Variants in SPATA17 observed in about 807,000 individuals in gnomAD.
The protein encoded by SPATA17 is spermatogenesis-associated protein 17.
In SPATA17, 53 loss-of-function variants were observed where a neutral mutation model predicts 62.2. The ratio of observed to expected loss-of-function variants is 0.85; its 90% CI spans 0.68 to 1.07. SPATA17 has a LOEUF of 1.07. Among genes scored for constraint, SPATA17 ranks in the 50% least tolerant of loss-of-function variants. SPATA17 has a pLI of 0.00. For missense variants in SPATA17, 466 were observed against 425.5 expected, an observed-to-expected ratio of 1.10 and a Z score of -0.84; for synonymous variants, 146 against 146.8, an observed-to-expected ratio of 0.99 and a Z score of 0.04.
chr1:217,809,638 G>C (rs1474858921), intron 9 of SPATA17, among the ~76,000 whole-genome samples: 3 of 152,136 alleles, frequency 2.0e-5, no homozygotes, highest in Non-Finnish European at 4.4e-5. Context: ...TCTAATCAGA[G>C]AACTCACTCA....
At chr1:217,761,179 C>T (rs1490440520) in intron 6 of SPATA17, among the ~76,000 whole-genome samples, 2 of 152,166 alleles carry the variant, frequency 1.3e-5, no homozygotes, top group African/African-American at 4.8e-5. Flanking sequence ...CTTCAGTTCT[C>T]GAAACCTCCT....
chr1:217,649,563 G>T (rs1458535622), intron 2 of SPATA17, among the ~76,000 whole-genome samples: 1 of 152,102 alleles, frequency 6.6e-6, no homozygotes. Flanking sequence ...ACAAATGACT[G>T]GGTTTGTATT....
chr1:217,869,218 G>A lies in SPATA17; in HGVS notation c.*2199G>A, dbSNP rs977519579. ...ACTTGAAACAAGAGAATGGGGGGTG[G>A]GAGGATGTGGGAGATGCTTCCAGGT... On this transcript the variant is annotated 3_prime_UTR_variant, in exon 11 of 11. Coordinates refer to ENST00000366933, the MANE Select transcript of SPATA17 (RefSeq NM_138796.4). The A allele has an allele frequency of 6.6e-6, 1 of 152,462 alleles. No individual in the cohort carries two copies. The highest frequency in any genetic ancestry group is 2.4e-5 in the African/African-American group (1 of 41,438). The allele number at this position is 152,462 out of a possible 1,614,324, so 9.4% of individuals were successfully genotyped here. A position where few individuals can be genotyped will look rare whatever the true frequency, so the allele number is the denominator to read the frequency against.
intron 9 of SPATA17, among the ~76,000 whole-genome samples, chr1:217,861,482 T>C (rs1412315110): frequency 6.6e-6 from 1 of 151,544 alleles, no homozygotes; most frequent in Non-Finnish European, 1.5e-5. Flanking sequence ...TGATGCTTCA[T>C]GCAGATGTCT....
chr1:217,754,575 GATAA>G (rs540322475), intron 6 of SPATA17, among the ~76,000 whole-genome samples: 1 of 152,212 alleles, frequency 6.6e-6, no homozygotes, highest in East Asian at 1.9e-4. Flanking sequence ...ATGTATAACT[GATAA>G]ATAATCAGTT....
chr1:217,671,081 A>G (rs1670822385), intron 4 of SPATA17, among the ~76,000 whole-genome samples: 1 of 152,182 alleles, frequency 6.6e-6, no homozygotes, highest in South Asian at 2.1e-4. Context: ...AGTTAGATAT[A>G]TATGGGGATG....
intron 7 of SPATA17, among the ~76,000 whole-genome samples, chr1:217,777,341 C>A (rs1673619078): frequency 6.6e-6 from 1 of 151,988 alleles, no homozygotes; most frequent in African/African-American, 2.4e-5. Flanking sequence ...AGTCAGTTTC[C>A]CCCTTGGACC....
At chr1:217,744,641 T>C (rs983854506) in intron 6 of SPATA17, among the ~76,000 whole-genome samples, 1 of 152,140 alleles carries the variant, frequency 6.6e-6, no homozygotes, top group African/African-American at 2.4e-5. Context: ...ATAATATCAA[T>C]GTATGTAAAC....
At chr1:217,717,845 G>T (rs1354532869) in intron 5 of SPATA17, among the ~76,000 whole-genome samples, 1 of 152,154 alleles carries the variant, frequency 6.6e-6, no homozygotes, top group African/African-American at 2.4e-5. Context: ...AGAGACAGAA[G>T]TTAATAACTG....
intron 9 of SPATA17, among the ~76,000 whole-genome samples, chr1:217,825,080 A>G (rs1234735978): frequency 6.6e-6 from 1 of 151,058 alleles, no homozygotes; most frequent in African/African-American, 2.4e-5. Flanking sequence ...ATATATTCAT[A>G]TAAATACAAA....
At position 217,648,872 on chromosome 1, in the gene SPATA17, T is replaced by C; in HGVS notation, c.69-10T>C. The C allele has an allele frequency of 3.2e-6, 5 of 1,577,690 alleles. No homozygotes were observed. Among genetic ancestry groups the C allele is most frequent in the Non-Finnish European group, 4.3e-6 (5 of 1,162,282 alleles). ...TACTAATGAAGTGCTTTTTAAACAT[T>C]TTGTTTTAGTGTTGTAGATCCATTT... On this transcript the variant is annotated splice_polypyrimidine_tract_variant and intron_variant, in intron 1 of 10. Transcript: ENST00000366933.
intron 8 of SPATA17, among the ~76,000 whole-genome samples, chr1:217,793,195 G>A (rs1674042580): frequency 6.8e-6 from 1 of 147,626 alleles, no homozygotes; most frequent in South Asian, 2.2e-4. Context: ...TCTAGGAATT[G>A]CTTTAATGTT....
rs182418162 is a variant in SPATA17, at chr1:217,848,835, T to C, written c.1006-13939T>C. Among the ~76,000 whole-genome samples the C allele has an allele frequency of 3.2e-3, 480 of 152,286 alleles. 2 individuals are homozygous for C. Among genetic ancestry groups the C allele is most frequent in the African/African-American group, 0.011 (463 of 41,584 alleles). ...TCTAGTCAGAAATCAAATTCTCTAATAGCTCTTCAACTTCTTTTTGAATTT... is the reference window on the plus strand; with the variant it reads ...TCTAGTCAGAAATCAAATTCTCTAACAGCTCTTCAACTTCTTTTTGAATTT... On this transcript the variant is annotated intron_variant, in intron 9 of 10. Transcript: ENST00000366933.
intron 9 of SPATA17, among the ~76,000 whole-genome samples, chr1:217,813,636 T>C (rs1674647143): frequency 6.6e-6 from 1 of 152,178 alleles, no homozygotes; most frequent in African/African-American, 2.4e-5. Flanking sequence ...AATAATCAAA[T>C]ACTCAGTTTA....
At chr1:217,636,150 A>AAAAT in intron 1 of SPATA17, among the ~76,000 whole-genome samples, 1 of 147,046 alleles carries the variant, frequency 6.8e-6, no homozygotes, top group Non-Finnish European at 1.5e-5. Flanking sequence ...AAAAAAAAAA[A>AAAAT]GGGTGTTTTC....
In SPATA17 at chr1:217,731,225, G is replaced by T. The variant is rs1385996635; in HGVS notation, c.396-10750G>T. The stretch of plus-strand genomic sequence containing the variant: ...CCTTTTCATTGTACACTCTATAGAT[G>T]ATCACTTTCACTTCTGTGACTTCTG... On this transcript the variant is annotated intron_variant, in intron 5 of 10. Transcript: ENST00000366933. Among the ~76,000 whole-genome samples the T allele has an allele frequency of 4.0e-5, 6 of 151,522 alleles. No individual in the cohort carries two copies. In the East Asian group the frequency reaches 1.2e-3, roughly 29 times the overall value.
Position 217,868,998 on chromosome 1 carries a change from T to A in SPATA17, c.*1979T>A, listed in dbSNP as rs1360324908. 1 of 152,158 alleles carries A rather than the reference T, an allele frequency of 6.6e-6. No individual in the cohort carries two copies. The highest frequency in any genetic ancestry group is 1.5e-5 in the Non-Finnish European group (1 of 68,084). The allele number at this position is 152,158 out of a possible 1,614,324, so 9.4% of individuals were successfully genotyped here. A position where few individuals can be genotyped will look rare whatever the true frequency, so the allele number is the denominator to read the frequency against. ...AACCCAGCCCTGAGACATGTCTCAA[T>A]TAGTTTAGAAGTTTATTTGGCCAAG... On this transcript the variant is annotated 3_prime_UTR_variant, in exon 11 of 11. Coordinates refer to ENST00000366933, the MANE Select transcript of SPATA17 (RefSeq NM_138796.4).
At position 217,798,051 on chromosome 1, in the gene SPATA17, A is replaced by C. The variant is rs1041994644; in HGVS notation, c.873-3667A>C. On this transcript the variant is annotated intron_variant, in intron 8 of 10. Transcript: ENST00000366933. The stretch of plus-strand genomic sequence containing the variant: ...CATAGACTAACATCTTTATTAATGA[A>C]GCTTGTGATCTTTTGAGAATGTGCT... Among the ~76,000 whole-genome samples, 5 of 152,188 alleles carry C rather than the reference A, an allele frequency of 3.3e-5. 1 individual carries two copies. Among genetic ancestry groups the C allele is most frequent in the Admixed American group, 2.0e-4 (3 of 15,262 alleles).
At chr1:217,787,819 G>T (rs973474179) in intron 8 of SPATA17, among the ~76,000 whole-genome samples, 1 of 152,054 alleles carries the variant, frequency 6.6e-6, no homozygotes, top group African/African-American at 2.4e-5. Flanking sequence ...TTGGTTACAT[G>T]TGCAATTATA....
Sources: allele counts gnomAD v4.1 joint callset (sites outside exome capture counted in the v4.1 genomes callset), GRCh38; gene constraint gnomAD v4.1.1; transcripts MANE v1.5; gene names NCBI Gene and HGNC (gene_info 2026-07-23, HGNC 2026-07-21).